Variants in CSTPP1 observed in about 807,000 individuals in gnomAD.
CSTPP1 encodes UPF0705 protein C11orf49.
chr11:47,155,880 A>C, the CSTPP1 span: 152,612 of 152,712 alleles, frequency 1, 76,257 homozygotes, highest in Middle Eastern at 1. Flanking sequence ...CCCAATTCAC[A>C]CAGCTGCACC....
the CSTPP1 span, among the ~76,000 whole-genome samples, chr11:46,937,967 C>T: frequency 2.0e-5 from 3 of 152,084 alleles, no homozygotes; most frequent in African/African-American, 4.8e-5. Context: ...CTCTGCCTCC[C>T]GGATTCAAGC....
At chr11:47,016,461 A>G in the CSTPP1 span, among the ~76,000 whole-genome samples, 1 of 151,970 alleles carries the variant, frequency 6.6e-6, no homozygotes. Context: ...AAGGCTGTAT[A>G]TCAATATATA....
At chr11:47,042,208 T>TA in the CSTPP1 span, among the ~76,000 whole-genome samples, 2 of 151,416 alleles carry the variant, frequency 1.3e-5, no homozygotes, top group Non-Finnish European at 2.9e-5. Context: ...TCCAAAAAAA[T>TA]AAAAAATAAA....
chr11:47,068,294 G>T, the CSTPP1 span, among the ~76,000 whole-genome samples: 1 of 152,152 alleles, frequency 6.6e-6, no homozygotes, highest in African/African-American at 2.4e-5. Context: ...TACTTTGAGA[G>T]GCTGAGGTGG....
chr11:47,032,973 C>T, the CSTPP1 span, among the ~76,000 whole-genome samples: 1 of 151,968 alleles, frequency 6.6e-6, no homozygotes, highest in Non-Finnish European at 1.5e-5. Context: ...TGTATTCCTA[C>T]AACAAAGTAA....
chr11:46,995,902 G>A, the CSTPP1 span, among the ~76,000 whole-genome samples: 1 of 152,142 alleles, frequency 6.6e-6, no homozygotes, highest in African/African-American at 2.4e-5. Context: ...TTATTATTGT[G>A]TGGGAGTCTA....
the CSTPP1 span, among the ~76,000 whole-genome samples, chr11:46,978,175 C>G: frequency 6.6e-6 from 1 of 152,138 alleles, no homozygotes; most frequent in Non-Finnish European, 1.5e-5. Context: ...AGTCATGGTG[C>G]CTATCTTTAA....
chr11:47,125,213 T>C, the CSTPP1 span, among the ~76,000 whole-genome samples: 1 of 152,248 alleles, frequency 6.6e-6, no homozygotes. Context: ...TGTTTATCTA[T>C]ATCCAGTCTT....
chr11:47,077,991 A>G, the CSTPP1 span, among the ~76,000 whole-genome samples: 1 of 152,244 alleles, frequency 6.6e-6, no homozygotes, highest in South Asian at 2.1e-4. Context: ...TTTGCTGTGC[A>G]TAATATTTAC....
chr11:46,964,399 C>T, the CSTPP1 span, among the ~76,000 whole-genome samples: 1 of 152,194 alleles, frequency 6.6e-6, no homozygotes, highest in East Asian at 1.9e-4. Flanking sequence ...CATTCTCCTG[C>T]CTTAGCCTCC....
the CSTPP1 span, among the ~76,000 whole-genome samples, chr11:46,938,063 G>A: frequency 6.6e-6 from 1 of 151,564 alleles, no homozygotes; most frequent in Non-Finnish European, 1.5e-5. Flanking sequence ...TAGTAGAGAC[G>A]GGGTTTCACC....
At chr11:47,097,050 T>TGGG in the CSTPP1 span, among the ~76,000 whole-genome samples, 1 of 144,324 alleles carries the variant, frequency 6.9e-6, no homozygotes, top group African/African-American at 2.6e-5. Flanking sequence ...GGGAGGGAGA[T>TGGG]GGGGGGTCAG....
chr11:46,945,341 G>A, the CSTPP1 span, among the ~76,000 whole-genome samples: 232 of 152,252 alleles, frequency 1.5e-3, no homozygotes, highest in Non-Finnish European at 2.2e-3. Flanking sequence ...TGGGCCAGGT[G>A]CGGTGGCTCA....
At chr11:47,021,613 T>G in the CSTPP1 span, among the ~76,000 whole-genome samples, 1 of 152,098 alleles carries the variant, frequency 6.6e-6, no homozygotes, top group Non-Finnish European at 1.5e-5. Context: ...CCTCTGTTGT[T>G]TTTTAGGGTT....
At chr11:47,151,778 CAT>C in the CSTPP1 span, among the ~76,000 whole-genome samples, 1 of 151,760 alleles carries the variant, frequency 6.6e-6, no homozygotes, top group Non-Finnish European at 1.5e-5. Flanking sequence ...GATCCAGCCA[CAT>C]GTCCCCCAGA....
At chr11:47,055,823 A>AC in the CSTPP1 span, among the ~76,000 whole-genome samples, 4 of 152,216 alleles carry the variant, frequency 2.6e-5, no homozygotes, top group Non-Finnish European at 4.4e-5. Flanking sequence ...TACTTAGTGT[A>AC]CTGAGGATCG....
At chr11:47,030,188 C>T in the CSTPP1 span, among the ~76,000 whole-genome samples, 1 of 152,042 alleles carries the variant, frequency 6.6e-6, no homozygotes. Flanking sequence ...CCAATTCTAA[C>T]AGAAGATAAT....
At chr11:47,122,794 G>C in the CSTPP1 span, among the ~76,000 whole-genome samples, 9 of 152,112 alleles carry the variant, frequency 5.9e-5, no homozygotes, top group African/African-American at 2.2e-4. Flanking sequence ...GGCCAGGCTG[G>C]TCTCGAACTC....
chr11:46,976,485 T>A, the CSTPP1 span, among the ~76,000 whole-genome samples: 1 of 152,022 alleles, frequency 6.6e-6, no homozygotes, highest in South Asian at 2.1e-4. Context: ...TGTACAGTTT[T>A]GGGTTTTGGC....
Sources: allele counts gnomAD v4.1 joint callset (sites outside exome capture counted in the v4.1 genomes callset), GRCh38; gene constraint gnomAD v4.1.1; transcripts MANE v1.5; gene names NCBI Gene and HGNC (gene_info 2026-07-23, HGNC 2026-07-21).